Variants in PKIB observed in about 807,000 individuals in gnomAD.
PKIB encodes cAMP-dependent protein kinase inhibitor beta, also known as PKI-beta.
In PKIB, 2 loss-of-function variants were observed where a neutral mutation model predicts 4.5. That is an observed-to-expected ratio of 0.44 (90% CI 0.18 to 1.39). The LOEUF (loss-of-function observed/expected upper bound fraction) is 1.39, where lower values mean the gene tolerates loss of function less well. Among genes scored for constraint, PKIB ranks in the 40% most tolerant of loss-of-function variants. The probability of loss-of-function intolerance (pLI) is 0.27; values close to 1 mark genes in which losing one functional copy is unlikely to be tolerated. For synonymous variants in PKIB, 38 were observed against 36.0 expected (o/e 1.06, Z -0.20); for missense variants, 94 against 92.6 (o/e 1.02, Z -0.06).
At chr6:122,530,051 A>C in intron 2 of PKIB, among the ~76,000 whole-genome samples, 1 of 151,570 alleles carries the variant, frequency 6.6e-6, no homozygotes, top group East Asian at 1.9e-4. Context: ...CTCTCCTCCT[A>C]GTATTCTCAT....
chr6:122,715,455 A>G (rs1477116183), intron 3 of PKIB, among the ~76,000 whole-genome samples: 28 of 151,954 alleles, frequency 1.8e-4, no homozygotes. Context: ...GTCTACTTCC[A>G]AACTAGCCAC....
chr6:122,570,159 C>A (rs959930643), intron 2 of PKIB, among the ~76,000 whole-genome samples: 2 of 152,204 alleles, frequency 1.3e-5, no homozygotes, highest in African/African-American at 4.8e-5. Context: ...AACATTCTTA[C>A]AGATGAAAAG....
chr6:122,586,260 A>G (rs974415982), intron 3 of PKIB: 2 of 152,100 alleles, frequency 1.3e-5, no homozygotes, highest in African/African-American at 2.4e-5. Context: ...TATCAAACTT[A>G]TTTATGGTTC....
chr6:122,640,793 C>T (rs1236506447), intron 2 of PKIB, among the ~76,000 whole-genome samples: 2 of 152,174 alleles, frequency 1.3e-5, no homozygotes, highest in Non-Finnish European at 2.9e-5. Flanking sequence ...TGCCTACCAG[C>T]TGCAATAATG....
intron 3 of PKIB, among the ~76,000 whole-genome samples, chr6:122,706,548 G>A (rs941147738): frequency 5.3e-5 from 8 of 152,136 alleles, no homozygotes; most frequent in African/African-American, 1.9e-4. Context: ...TGTAATTTAA[G>A]GAGAAAATAA....
rs567852398 is a variant in PKIB, at chr6:122,541,336, A to G, written c.-247-44585A>G. On this transcript the variant is annotated intron_variant, in intron 2 of 6. Transcript: ENST00000392491. ...TGGGTGGTACCGGTTGTTCCTTTCCATGTTTAGTGCTTCCTTCAGGAGCTC... is the reference window on the plus strand; with the variant it reads ...TGGGTGGTACCGGTTGTTCCTTTCCGTGTTTAGTGCTTCCTTCAGGAGCTC... 3.6e-3 allele frequency among the ~76,000 whole-genome samples: 546 copies of G among 151,774 alleles called. 9 individuals are homozygous for G. The highest frequency in any genetic ancestry group is 0.012 in the African/African-American group (506 of 41,288).
At chr6:122,533,252 C>G (rs978192168) in intron 2 of PKIB, among the ~76,000 whole-genome samples, 2 of 151,984 alleles carry the variant, frequency 1.3e-5, no homozygotes, top group African/African-American at 4.8e-5. Context: ...TCATTGCAAC[C>G]TCTGCTTCTG....
At chr6:122,613,081 T>G (rs1391676740) in intron 1 of PKIB, among the ~76,000 whole-genome samples, 1 of 152,134 alleles carries the variant, frequency 6.6e-6, no homozygotes, top group Non-Finnish European at 1.5e-5. Context: ...TTGCCTAATG[T>G]TTTTTAATGC....
chr6:122,504,746 C>A (rs1776346553), intron 2 of PKIB, among the ~76,000 whole-genome samples: 1 of 152,138 alleles, frequency 6.6e-6, no homozygotes. Flanking sequence ...TATAGTTTAT[C>A]TACTGAAGGA....
intron 2 of PKIB, among the ~76,000 whole-genome samples, chr6:122,637,447 A>T (rs1049001515): frequency 6.6e-6 from 1 of 152,108 alleles, no homozygotes; most frequent in Non-Finnish European, 1.5e-5. Flanking sequence ...AGAATACATA[A>T]TATATCTTAG....
At chr6:122,677,484 T>C (rs901467385) in intron 3 of PKIB, among the ~76,000 whole-genome samples, 1 of 152,216 alleles carries the variant, frequency 6.6e-6, no homozygotes, top group African/African-American at 2.4e-5. Context: ...TGTGTGCTTC[T>C]GCTAGTGCAG....
chr6:122,702,246 G>A (rs537967242), intron 3 of PKIB, among the ~76,000 whole-genome samples: 25 of 151,470 alleles, frequency 1.7e-4, no homozygotes, highest in Non-Finnish European at 3.2e-4. Flanking sequence ...TATTGCCCCA[G>A]CAGAGGCAAA....
chr6:122,672,605 C>T (rs1198049869), intron 2 of PKIB, among the ~76,000 whole-genome samples: 2 of 151,932 alleles, frequency 1.3e-5, no homozygotes, highest in African/African-American at 4.8e-5. Context: ...AATCAGACCT[C>T]GTGTGGTAGA....
intron 4 of PKIB, among the ~76,000 whole-genome samples, chr6:122,722,472 T>C (rs1779783588): frequency 6.6e-6 from 1 of 152,176 alleles, no homozygotes. Flanking sequence ...TCATATCATC[T>C]TCTGCTCATT....
chr6:122,612,993 C>T (rs1774824222), intron 1 of PKIB, among the ~76,000 whole-genome samples: 1 of 152,118 alleles, frequency 6.6e-6, no homozygotes, highest in South Asian at 2.1e-4. Flanking sequence ...ACCATTGCTT[C>T]TCTTCAAATT....
intron 1 of PKIB, among the ~76,000 whole-genome samples, chr6:122,628,263 C>T (rs964502599): frequency 9.2e-5 from 14 of 152,186 alleles, no homozygotes; most frequent in African/African-American, 3.1e-4. Flanking sequence ...TCTCAAACTC[C>T]CGACCTCAGG....
chr6:122,674,977 A>G (rs1260674119), intron 2 of PKIB, 101 bp from the exon 3 acceptor site: 1 of 152,280 alleles, frequency 6.6e-6, no homozygotes, highest in East Asian at 1.9e-4. Context: ...GATGTTTACC[A>G]GTTTTAGCTA....
At chr6:122,576,689 A>AAAAAAATATATATATAT (rs1345822382) in intron 2 of PKIB, among the ~76,000 whole-genome samples, 6 of 34,308 alleles carry the variant, frequency 1.7e-4, no homozygotes, top group African/African-American at 3.9e-4. Context: ...AAAAAAAAAA[A>AAAAAAATATATATATAT]ATATATATAT....
intron 2 of PKIB, among the ~76,000 whole-genome samples, chr6:122,649,434 G>T (rs1274754520): frequency 6.6e-6 from 1 of 152,162 alleles, no homozygotes; most frequent in African/African-American, 2.4e-5. Context: ...AAGACCATCT[G>T]TAAACCACTC....
Sources: allele counts gnomAD v4.1 joint callset (sites outside exome capture counted in the v4.1 genomes callset), GRCh38; gene constraint gnomAD v4.1.1; transcripts MANE v1.5; gene names NCBI Gene and HGNC (gene_info 2026-07-23, HGNC 2026-07-21).